The following SDCCAG8 variants were observed in gnomAD, a reference collection of about 807,000 sequenced individuals.
SDCCAG8 encodes serologically defined colon cancer antigen 8.
A neutral mutation model predicts 101.8 loss-of-function variants in SDCCAG8; 74 were observed. The ratio of observed to expected loss-of-function variants is 0.73; its 90% CI spans 0.60 to 0.88. The LOEUF (loss-of-function observed/expected upper bound fraction) is 0.88. Ranked by LOEUF, SDCCAG8 falls within the 40% of genes least tolerant of loss-of-function variation. The pLI is 0.00. For synonymous variants in SDCCAG8, 281 were observed against 292.9 expected, an observed-to-expected ratio of 0.96 and a Z score of 0.41; for missense variants, 787 against 822.6, an observed-to-expected ratio of 0.96 and a Z score of 0.53.
intron 1 of SDCCAG8, chr1:243,267,974 G>A (rs1456343377): frequency 2.6e-6 from 2 of 781,710 alleles, no homozygotes; most frequent in African/African-American, 3.4e-5. Flanking sequence ...AAGGTGTTGC[G>A]GAACTTCTCT....
At chr1:243,263,303 C>T (rs2067329919) in intron 1 of SDCCAG8, among the ~76,000 whole-genome samples, 1 of 152,134 alleles carries the variant, frequency 6.6e-6, no homozygotes, top group African/African-American at 2.4e-5. Context: ...TGCTATTAAA[C>T]TGGCACAACA....
At chr1:243,294,506 C>CGAGCGAGAGAGAGAGAGAGAGAGAGA (rs2070634268) in intron 6 of SDCCAG8, among the ~76,000 whole-genome samples, 1 of 105,884 alleles carries the variant, frequency 9.4e-6, no homozygotes, top group Non-Finnish European at 1.9e-5. Flanking sequence ...AGAGAAAGAG[C>CGAGCGAGAGAGAGAGAGAGAGAGAGA]GAGAGAGAGA....
intron 16 of SDCCAG8, among the ~76,000 whole-genome samples, chr1:243,427,122 A>G (rs2081392500): frequency 6.6e-6 from 1 of 152,208 alleles, no homozygotes; most frequent in South Asian, 2.1e-4. Context: ...TGATGGAAAG[A>G]TCAAATATAA....
intron 16 of SDCCAG8, among the ~76,000 whole-genome samples, chr1:243,443,691 A>C (rs774842936): frequency 6.6e-6 from 1 of 152,146 alleles, no homozygotes; most frequent in Non-Finnish European, 1.5e-5. Flanking sequence ...ACAAGATCGA[A>C]AACAAATCCT....
chr1:243,308,698 A>G (rs1024318399), intron 8 of SDCCAG8, among the ~76,000 whole-genome samples: 1 of 152,232 alleles, frequency 6.6e-6, no homozygotes, highest in East Asian at 1.9e-4. Flanking sequence ...CAAGTTACAG[A>G]TGACCTTTTG....
chr1:243,355,197 G>C (rs1002913309), intron 12 of SDCCAG8, among the ~76,000 whole-genome samples: 1 of 152,200 alleles, frequency 6.6e-6, no homozygotes, highest in Non-Finnish European at 1.5e-5. Context: ...GAAAGCTGCA[G>C]GGTCTTTATT....
intron 9 of SDCCAG8, among the ~76,000 whole-genome samples, chr1:243,328,903 A>C (rs990316163): frequency 6.6e-6 from 1 of 152,110 alleles, no homozygotes; most frequent in Non-Finnish European, 1.5e-5. Flanking sequence ...TCCTATACTT[A>C]ATGATGATGA....
intron 13 of SDCCAG8, among the ~76,000 whole-genome samples, chr1:243,410,828 C>T (rs926268983): frequency 1.1e-4 from 17 of 152,196 alleles, no homozygotes; most frequent in Non-Finnish European, 2.2e-4. Context: ...GCTTCAGTGC[C>T]GTTTCTAAAA....
chr1:243,335,286 G>A (rs1042223182), intron 10 of SDCCAG8, among the ~76,000 whole-genome samples: 1 of 152,102 alleles, frequency 6.6e-6, no homozygotes, highest in South Asian at 2.1e-4. Context: ...GGGAAGGAAC[G>A]CCACCTGTAA....
intron 6 of SDCCAG8, 43 bp from the exon 7 acceptor site, chr1:243,304,670 C>A: frequency 1.9e-6 from 2 of 1,052,440 alleles, no homozygotes; most frequent in Non-Finnish European, 2.9e-6. Flanking sequence ...TTATAAAATA[C>A]AGGACATAGA....
chr1:243,333,689 AT>A (rs1011547313), intron 10 of SDCCAG8, among the ~76,000 whole-genome samples: 2 of 151,772 alleles, frequency 1.3e-5, no homozygotes, highest in African/African-American at 4.8e-5. Flanking sequence ...ATATTTACTG[AT>A]TTTTTTTCAG....
chr1:243,279,247 T>C (rs1290650539), intron 4 of SDCCAG8, among the ~76,000 whole-genome samples: 1 of 152,238 alleles, frequency 6.6e-6, no homozygotes, highest in Admixed American at 6.5e-5. Flanking sequence ...TTTGTAGATG[T>C]TCTTTATCAA....
intron 13 of SDCCAG8, among the ~76,000 whole-genome samples, chr1:243,385,559 G>A (rs138191322): frequency 4.6e-5 from 7 of 152,304 alleles, no homozygotes; most frequent in African/African-American, 9.6e-5. Flanking sequence ...AGGGCATTCC[G>A]TGTAGGGGAA....
chr1:243,279,440 T>C (rs1322333275), intron 4 of SDCCAG8, among the ~76,000 whole-genome samples: 5 of 152,374 alleles, frequency 3.3e-5, no homozygotes, highest in Middle Eastern at 3.4e-3. Context: ...CCACTGCTGC[T>C]GCCCAGCATC....
At position 243,294,759 on chromosome 1, in the gene SDCCAG8, A is replaced by G. The variant is rs373740150; in HGVS notation, c.675+1540A>G. ...TTCCCAAAGCGTCAAAAACAATTCT[A>G]TTTTAAGACTAAATAATACTTTTCA... On this transcript the variant is annotated intron_variant, in intron 6 of 17. Transcript: ENST00000366541. 2.8e-4 allele frequency among the ~76,000 whole-genome samples: 39 copies of G among 139,540 alleles called. No homozygotes were observed. The South Asian group carries it at 7.4e-3, about 26-fold the overall frequency. The allele number at this position is 139,540 out of a possible 152,430, so 91.5% of individuals were successfully genotyped here. A position where few individuals can be genotyped will look rare whatever the true frequency, so the allele number is the denominator to read the frequency against.
intron 13 of SDCCAG8, among the ~76,000 whole-genome samples, chr1:243,402,011 T>C (rs1463675771): frequency 6.6e-6 from 1 of 152,164 alleles, no homozygotes; most frequent in East Asian, 1.9e-4. Context: ...AAATGCTGCT[T>C]TGCTATAGGG....
chr1:243,343,632 G>GA (rs926880981), intron 11 of SDCCAG8, among the ~76,000 whole-genome samples: 1 of 152,144 alleles, frequency 6.6e-6, no homozygotes, highest in Non-Finnish European at 1.5e-5. Context: ...GCTTTTGCCA[G>GA]AAAATCTTCC....
intron 16 of SDCCAG8, among the ~76,000 whole-genome samples, chr1:243,428,511 A>G (rs1159902281): frequency 1.3e-5 from 2 of 152,216 alleles, no homozygotes; most frequent in Admixed American, 1.3e-4. Flanking sequence ...AATTTATTGG[A>G]AAATTTTTTG....
chr1:243,307,726 C>T (rs754304325), intron 7 of SDCCAG8: 24 of 1,361,568 alleles, frequency 1.8e-5, no homozygotes, highest in South Asian at 4.9e-5. Context: ...CAGTGTCAGG[C>T]GGATTCTAAT....
Sources: gnomAD v4.1 joint callset for allele counts (sites outside exome capture counted in the v4.1 genomes callset) on GRCh38, gnomAD v4.1.1 for gene constraint, MANE v1.5 for transcripts, NCBI Gene and HGNC (gene_info 2026-07-23, HGNC 2026-07-21) for gene names.